LRRN1: variants seen among roughly 807,000 people sequenced by gnomAD.
LRRN1 encodes the protein leucine-rich repeat neuronal protein 1.
A neutral mutation model predicts 45.8 loss-of-function variants in LRRN1; 14 were observed. The ratio of observed to expected loss-of-function variants is 0.31; its 90% CI spans 0.20 to 0.48. The LOEUF (loss-of-function observed/expected upper bound fraction) is 0.48. Ranked by LOEUF, LRRN1 falls within the 20% of genes least tolerant of loss-of-function variation. LRRN1 has a pLI of 0.99. For missense variants in LRRN1, 789 were observed against 874.2 expected (o/e 0.90, Z 1.23); for synonymous variants, 359 against 330.1 (o/e 1.09, Z -0.95).
At chr3:3,810,630 CCAGGAGAT>C (rs1464137372) in intron 1 of LRRN1, among the ~76,000 whole-genome samples, 1 of 152,122 alleles carries the variant, frequency 6.6e-6, no homozygotes, top group African/African-American at 2.4e-5. Flanking sequence ...TCACCTGAAC[CCAGGAGAT>C]TCAGGCTGCA....
chr3:3,836,794 C>CA (rs1440963641), intron 1 of LRRN1, among the ~76,000 whole-genome samples: 1 of 152,144 alleles, frequency 6.6e-6, no homozygotes, highest in Non-Finnish European at 1.5e-5. Context: ...CCCTAGACTA[C>CA]AGTGGGTGGG....
chr3:3,849,067 A>G lies in LRRN1; in HGVS notation c.*2275A>G, dbSNP rs920376378. 2.0e-5 allele frequency among the ~76,000 whole-genome samples: 3 copies of G among 152,224 alleles called. No individual in the cohort carries two copies. The highest frequency in any genetic ancestry group is 7.2e-5 in the African/African-American group (3 of 41,468). On this transcript the variant is annotated 3_prime_UTR_variant, in exon 2 of 2. Coordinates refer to ENST00000319331, the MANE Select transcript of LRRN1 (RefSeq NM_020873.7). Reference sequence around the variant, plus strand: ...TCTGCAGAGTAATGGACCATGTTACAACTTTCCTGTTCATCTGTGAACCAT... The same window carrying G: ...TCTGCAGAGTAATGGACCATGTTACGACTTTCCTGTTCATCTGTGAACCAT...
chr3:3,831,365 GATTT>G (rs1693370232), intron 1 of LRRN1, among the ~76,000 whole-genome samples: 1 of 152,226 alleles, frequency 6.6e-6, no homozygotes, highest in Non-Finnish European at 1.5e-5. Context: ...ATTTTAGTCA[GATTT>G]ATTTCTCATC....
chr3:3,816,191 C>A lies in LRRN1; in HGVS notation c.-279+16272C>A, dbSNP rs1692984262. Among the ~76,000 whole-genome samples the A allele has an allele frequency of 6.6e-6, 1 of 152,078 alleles. No individual in the cohort carries two copies. The highest frequency in any genetic ancestry group is 1.5e-5 in the Non-Finnish European group (1 of 67,996). On this transcript the variant is annotated intron_variant, in intron 1 of 1. Coordinates refer to ENST00000319331, the MANE Select transcript of LRRN1 (RefSeq NM_020873.7). The surrounding 1 kb of genome is among the most constrained non-coding windows in gnomAD (Gnocchi z 4.0). ...TAATGTTCTCAGCTGTTCCTTTGCA[C>A]CATATGATTACACAAGCCTAGACTG...
At chr3:3,842,504 A>T (rs1336688000) in intron 1 of LRRN1, among the ~76,000 whole-genome samples, 1 of 152,136 alleles carries the variant, frequency 6.6e-6, no homozygotes, top group Admixed American at 6.5e-5. Flanking sequence ...GACTCATTAA[A>T]TACATAACTT....
chr3:3,803,422 A>G (rs1476992763), intron 1 of LRRN1, among the ~76,000 whole-genome samples: 1 of 152,222 alleles, frequency 6.6e-6, no homozygotes, highest in East Asian at 1.9e-4. Flanking sequence ...CACAATGCTT[A>G]CTTAAAATTT....
Position 3,848,568 on chromosome 3 carries a change from T to TA in LRRN1, c.*1784dup, listed in dbSNP as rs763626969. On this transcript the variant is annotated 3_prime_UTR_variant, in exon 2 of 2. Transcript: ENST00000319331. Reference sequence around the variant, plus strand: ...ATCTTGCTTTTGTGAATCACTTTATTAAAAAAAATCACTTTCTTCCCATTC... The same window carrying TA: ...ATCTTGCTTTTGTGAATCACTTTATTAAAAAAAAATCACTTTCTTCCCATTC... Among the ~76,000 whole-genome samples, 22 of 151,950 alleles carry TA rather than the reference T, an allele frequency of 1.4e-4. No individual in the cohort carries two copies. The highest frequency in any genetic ancestry group is 1.2e-3 in the South Asian group (6 of 4,820).
chr3:3,825,948 T>C (rs1303134937), intron 1 of LRRN1, among the ~76,000 whole-genome samples: 1 of 152,204 alleles, frequency 6.6e-6, no homozygotes, highest in African/African-American at 2.4e-5. Context: ...ATTTTTATAC[T>C]TATATTCAGA....
intron 1 of LRRN1, among the ~76,000 whole-genome samples, chr3:3,803,137 C>G (rs1692690094): frequency 6.6e-6 from 1 of 152,222 alleles, no homozygotes; most frequent in Non-Finnish European, 1.5e-5. Flanking sequence ...CCATTGATCT[C>G]TCTCTGGTTA....
chr3:3,802,040 G>A (rs184696768), intron 1 of LRRN1, among the ~76,000 whole-genome samples: 2 of 152,202 alleles, frequency 1.3e-5, no homozygotes, highest in Non-Finnish European at 2.9e-5. Context: ...AGCTGAGAAT[G>A]TCCACTGTCT....
At chr3:3,822,188 C>T (rs1425390244) in intron 1 of LRRN1, among the ~76,000 whole-genome samples, 1 of 152,132 alleles carries the variant, frequency 6.6e-6, no homozygotes, top group Non-Finnish European at 1.5e-5. Flanking sequence ...CACCTCATAG[C>T]GTTGCAAGCA....
rs755846334 is a variant in LRRN1 at position 3,845,642 on chromosome 3, G to C, written c.1001G>C (p.Arg334Pro). Residue 334 changes from arginine to proline, a missense_variant, in exon 2 of 2, where the codon CGA (arginine) becomes CCA (proline). By Grantham distance (103) the Arg-to-Pro change is moderately radical. Coordinates refer to ENST00000319331, the MANE Select transcript of LRRN1 (RefSeq NM_020873.7). The surrounding 1 kb of genome is among the most constrained non-coding windows in gnomAD (Gnocchi z 6.5). ...KLSYIHRLAF[R>P]SVPALESLML... ...TCTTACATCCACCGCTTGGCTTTCC[G>C]AAGTGTCCCTGCTCTGGAAAGCTTG... 1 of 1,614,044 alleles carries C rather than the reference G, an allele frequency of 6.2e-7. No homozygotes were observed. Among genetic ancestry groups the C allele is most frequent in the South Asian group, 1.1e-5 (1 of 91,068 alleles).
At chr3:3,830,397 A>T (rs964366082) in intron 1 of LRRN1, among the ~76,000 whole-genome samples, 1 of 152,162 alleles carries the variant, frequency 6.6e-6, no homozygotes, top group Non-Finnish European at 1.5e-5. Context: ...TTCTCCTTCC[A>T]TCCAAAGTGC....
intron 1 of LRRN1, among the ~76,000 whole-genome samples, chr3:3,818,298 TTAAAATA>T (rs1335241868): frequency 1.3e-3 from 187 of 140,654 alleles, no homozygotes; most frequent in Non-Finnish European, 1.7e-3. Flanking sequence ...AGGGAGAGAA[TTAAAATA>T]ATCTGTAAAA....
intron 1 of LRRN1, among the ~76,000 whole-genome samples, chr3:3,813,559 T>C (rs892563148): frequency 2.0e-5 from 3 of 152,160 alleles, no homozygotes; most frequent in Non-Finnish European, 4.4e-5. Context: ...ACTAACCTGC[T>C]TTTCTGTGTC....
intron 1 of LRRN1, among the ~76,000 whole-genome samples, chr3:3,804,442 G>A (rs1270778478): frequency 6.6e-6 from 1 of 152,158 alleles, no homozygotes; most frequent in East Asian, 1.9e-4. Context: ...ATCTAGGGGT[G>A]AACTTGGAAT....
intron 1 of LRRN1, among the ~76,000 whole-genome samples, chr3:3,812,563 G>A (rs1369218087): frequency 6.6e-6 from 1 of 152,170 alleles, no homozygotes; most frequent in South Asian, 2.1e-4. Flanking sequence ...GGCAGAACTT[G>A]TACAAAGTTC....
intron 1 of LRRN1, among the ~76,000 whole-genome samples, chr3:3,829,232 A>T (rs1693309998): frequency 6.6e-6 from 1 of 151,836 alleles, no homozygotes; most frequent in East Asian, 1.9e-4. Context: ...ACCAGCCAAA[A>T]CTGTAACTCC....
At chr3:3,839,283 C>A (rs146953619) in intron 1 of LRRN1, among the ~76,000 whole-genome samples, 1 of 152,192 alleles carries the variant, frequency 6.6e-6, no homozygotes, top group African/African-American at 2.4e-5. Context: ...AGTCTTGGCA[C>A]CCTTGTCAAA....
Sources: allele counts gnomAD v4.1 joint callset (sites outside exome capture counted in the v4.1 genomes callset), GRCh38; gene constraint gnomAD v4.1.1; non-coding constraint Gnocchi (gnomAD v3.1); transcripts MANE v1.5; gene names NCBI Gene and HGNC (gene_info 2026-07-23, HGNC 2026-07-21).